The following MAST2 variants were observed in gnomAD, a reference collection of about 807,000 sequenced individuals.
The protein encoded by MAST2 is microtubule associated serine/threonine kinase 2.
In MAST2, 70 loss-of-function variants were observed where a neutral mutation model predicts 147.4. The observed-to-expected ratio is 0.47, with a 90% CI of 0.39 to 0.58. The LOEUF (loss-of-function observed/expected upper bound fraction) is 0.58. Ranked by LOEUF, MAST2 falls within the 20% of genes least tolerant of loss-of-function variation. MAST2 has a pLI of 0.00. For synonymous variants in MAST2, 869 were observed against 896.8 expected, an observed-to-expected ratio of 0.97 and a Z score of 0.55; for missense variants, 2,080 against 2,302.3, an observed-to-expected ratio of 0.90 and a Z score of 1.98.
rs35427966 is a variant in MAST2, at chr1:45,850,836, C to CTT, written c.468+21274_468+21275dup. ...TGTCTGCTTTTGTACCAGTACTATG[C>CTT]TTTTTTTTTTTTTTTTTTTTAAACA... On this transcript the variant is annotated intron_variant, in intron 3 of 28. Coordinates refer to ENST00000361297, the MANE Select transcript of MAST2 (RefSeq NM_015112.3). Among the ~76,000 whole-genome samples the CTT allele has an allele frequency of 1.1e-3, 125 of 113,552 alleles. 1 individual carries two copies. Among genetic ancestry groups the CTT allele is most frequent in the African/African-American group, 3.9e-3 (117 of 30,056 alleles). The allele number at this position is 113,552 out of a possible 152,430, so 74.5% of individuals were successfully genotyped here.
chr1:45,965,712 C>G (rs1036532144), intron 5 of MAST2, among the ~76,000 whole-genome samples: 4 of 151,902 alleles, frequency 2.6e-5, no homozygotes, highest in Admixed American at 2.0e-4. Flanking sequence ...ATGGAAACTC[C>G]CTACCTTATT....
At chr1:45,983,913 A>G (rs1644511715) in intron 5 of MAST2, among the ~76,000 whole-genome samples, 1 of 152,254 alleles carries the variant, frequency 6.6e-6, no homozygotes, top group Non-Finnish European at 1.5e-5. Context: ...GTGCAAAGGT[A>G]GCTACACTTT....
intron 3 of MAST2, among the ~76,000 whole-genome samples, chr1:45,872,884 CT>C (rs1646453675): frequency 6.6e-6 from 1 of 152,164 alleles, no homozygotes; most frequent in African/African-American, 2.4e-5. Context: ...GTATGTATAA[CT>C]TTCTTTGTAA....
At chr1:45,916,848 G>T (rs1652611078) in intron 4 of MAST2, among the ~76,000 whole-genome samples, 1 of 152,306 alleles carries the variant, frequency 6.6e-6, no homozygotes, top group African/African-American at 2.4e-5. Context: ...GGAGGCCGAG[G>T]CGGGTGGATC....
chr1:45,827,536 A>G (rs1644830549), intron 2 of MAST2, among the ~76,000 whole-genome samples: 1 of 152,176 alleles, frequency 6.6e-6, no homozygotes, highest in Non-Finnish European at 1.5e-5. Flanking sequence ...TTTAGAATTA[A>G]TAGGTGAGAA....
Position 46,035,641 on chromosome 1 carries a change from TG to T in MAST2, c.4974del (p.Trp1658Ter). On this transcript the variant is annotated frameshift_variant, in exon 29 of 29. Transcript: ENST00000361297. LOFTEE classifies it low-confidence loss of function (END_TRUNC). This position sits in a 1 kb window ranked among gnomAD's most constrained non-coding sequence, Gnocchi z 5.5. The stretch of plus-strand genomic sequence containing the variant: ...CTCTGGGAAGCTGAGCATGTGGTCC[TG>T]GAAATCCCTTATTGAGGGCCCAGAC... ...STSGKLSMWS[W>X]KSLIEGPDRA... The T allele has an allele frequency of 6.2e-7, 1 of 1,613,954 alleles. No individual in the cohort carries two copies.
At chr1:45,900,297 G>A (rs1172145710) in intron 4 of MAST2, among the ~76,000 whole-genome samples, 3 of 151,628 alleles carry the variant, frequency 2.0e-5, no homozygotes, top group Admixed American at 6.6e-5. Flanking sequence ...TGTAGGGGTT[G>A]AACTAATTTA....
At position 46,034,697 on chromosome 1, in the gene MAST2, T is replaced by G; in HGVS notation, c.4028T>G (p.Leu1343Arg). The G allele has an allele frequency of 6.2e-7, 1 of 1,614,144 alleles. No individual in the cohort carries two copies. The highest frequency in any genetic ancestry group is 8.5e-7 in the Non-Finnish European group (1 of 1,180,018). ...PRRKSAGSIP[L>R]SPLAHTPSPP... ...CGCAAGTCAGCAGGCAGCATCCCAC[T>G]GTCACCACTGGCCCACACCCCTTCT... Residue 1343 changes from leucine (L) to arginine (R), a missense_variant, in exon 29 of 29, where the codon CTG becomes CGG. Around this residue, in one of 4 missense-constraint regions of MAST2, gnomAD observed 1,278 missense variants for 1,304.2 expected, o/e 0.98. Transcript: ENST00000361297.
rs1213110376 is a variant in MAST2 at position 46,029,038 on chromosome 1, CAT to C, written c.2218+106_2218+107del. 1.5e-5 allele frequency: 19 copies of C among 1,279,376 alleles called. No homozygotes were observed. The Admixed American group carries it at 3.2e-4, about 21-fold the overall frequency. The allele number at this position is 1,279,376 out of a possible 1,614,324, so 79.3% of individuals were successfully genotyped here. A position where few individuals can be genotyped will look rare whatever the true frequency, so the allele number is the denominator to read the frequency against. On this transcript the variant is annotated intron_variant, in intron 18 of 28. Transcript: ENST00000361297. ...CTGTGAGCTCTTGTTCTGAACTCATCATGTGTGTTTGTGATGTCTGCTGCTTT... is the reference window on the plus strand; with the variant it reads ...CTGTGAGCTCTTGTTCTGAACTCATCGTGTGTTTGTGATGTCTGCTGCTTT...
intron 3 of MAST2, among the ~76,000 whole-genome samples, chr1:45,877,002 A>G (rs1029478586): frequency 3.3e-5 from 5 of 152,254 alleles, no homozygotes; most frequent in African/African-American, 1.2e-4. Context: ...ATTGTTTCAG[A>G]AAGTAGAAAA....
At chr1:45,820,811 G>A (rs1644598329) in intron 1 of MAST2, among the ~76,000 whole-genome samples, 1 of 130,238 alleles carries the variant, frequency 7.7e-6, no homozygotes, top group African/African-American at 2.8e-5. Context: ...TAGAACATAT[G>A]TAGTGGTGAT....
chr1:45,885,316 T>A (rs75839967), intron 4 of MAST2, among the ~76,000 whole-genome samples: 1 of 152,234 alleles, frequency 6.6e-6, no homozygotes, highest in Non-Finnish European at 1.5e-5. Flanking sequence ...ATATCCTTCA[T>A]GGACATAGAG....
intron 4 of MAST2, among the ~76,000 whole-genome samples, chr1:45,924,298 A>G (rs1157807508): frequency 6.6e-6 from 1 of 152,232 alleles, no homozygotes; most frequent in African/African-American, 2.4e-5. Context: ...GCTTAGTGAA[A>G]ACGGTGATGA....
At chr1:46,006,492 A>G (rs2149213585) in intron 8 of MAST2, 97 bp downstream of exon 8, 1 of 1,235,558 alleles carries the variant, frequency 8.1e-7, no homozygotes, top group African/African-American at 1.5e-5. Flanking sequence ...GGGCCAAGAT[A>G]GTAAATATTT....
intron 4 of MAST2, among the ~76,000 whole-genome samples, chr1:45,884,787 A>G (rs935543326): frequency 4.6e-5 from 7 of 152,224 alleles, no homozygotes; most frequent in African/African-American, 1.7e-4. Flanking sequence ...GTACTAATAT[A>G]GGCTTTGCCA....
At chr1:45,807,325 T>C (rs1244275089) in intron 1 of MAST2, among the ~76,000 whole-genome samples, 1 of 152,208 alleles carries the variant, frequency 6.6e-6, no homozygotes, top group Non-Finnish European at 1.5e-5. Context: ...AGCTTGATCC[T>C]TTATTGTGCT....
At chr1:45,927,559 T>C (rs926911742) in intron 4 of MAST2, among the ~76,000 whole-genome samples, 2 of 152,132 alleles carry the variant, frequency 1.3e-5, no homozygotes, top group African/African-American at 2.4e-5. Context: ...TACGGCTCTG[T>C]TCTGCCTGAC....
intron 7 of MAST2, among the ~76,000 whole-genome samples, chr1:46,005,254 C>G (rs1645439098): frequency 6.6e-6 from 1 of 151,820 alleles, no homozygotes; most frequent in Non-Finnish European, 1.5e-5. Flanking sequence ...CTCAACTACT[C>G]AGGAGGCTGA....
intron 4 of MAST2, among the ~76,000 whole-genome samples, chr1:45,900,792 G>A (rs111928971): frequency 6.6e-6 from 1 of 152,026 alleles, no homozygotes; most frequent in Non-Finnish European, 1.5e-5. Context: ...TCATGAGTTT[G>A]TTGGTCACTT....
Sources: allele counts gnomAD v4.1 joint callset (sites outside exome capture counted in the v4.1 genomes callset), GRCh38; gene constraint gnomAD v4.1.1; regional missense constraint gnomAD v4.1.1; non-coding constraint Gnocchi (gnomAD v3.1); transcripts MANE v1.5; gene names NCBI Gene and HGNC (gene_info 2026-07-23, HGNC 2026-07-21).